The following ATXN2 variants were observed in gnomAD, a reference collection of about 807,000 sequenced individuals.
The protein encoded by ATXN2 is ataxin 2.
ATXN2 carries 37 observed loss-of-function variants against 138.6 expected under a neutral mutation model. The observed-to-expected ratio is 0.27, with a 90% CI of 0.21 to 0.35. The LOEUF is 0.35. ATXN2 is among the 10% of genes least tolerant of loss of function. The pLI is 1.00. For missense variants in ATXN2, 1,216 were observed against 1,480.3 expected (o/e 0.82, Z 2.93); for synonymous variants, 549 against 543.7 (o/e 1.01, Z -0.13).
chr12:111,533,064 G>T (rs1470944711), intron 5 of ATXN2, among the ~76,000 whole-genome samples: 1 of 152,124 alleles, frequency 6.6e-6, no homozygotes, highest in Non-Finnish European at 1.5e-5. Context: ...TTATAGCTGT[G>T]GTCAGAGTAG....
chr12:111,499,442 G>A (rs1566026252), intron 14 of ATXN2, among the ~76,000 whole-genome samples: 1 of 152,146 alleles, frequency 6.6e-6, no homozygotes, highest in Non-Finnish European at 1.5e-5. Context: ...AGCAGCTCAC[G>A]CCTGTAATCC....
chr12:111,550,062 CAAAAA>C (rs11360314), intron 5 of ATXN2, among the ~76,000 whole-genome samples: 2 of 78,956 alleles, frequency 2.5e-5, no homozygotes, highest in Non-Finnish European at 6.4e-5. Flanking sequence ...ACTCCGTCTC[CAAAAA>C]AAAAAAAAAA....
At position 111,510,604 on chromosome 12, in the gene ATXN2, T is replaced by A. The variant is rs372052353; in HGVS notation, c.1559-22A>T. On this transcript the variant is annotated intron_variant, in intron 11 of 24. Coordinates refer to ENST00000673436, the MANE Select transcript of ATXN2 (RefSeq NM_001372574.1). ...GGAACTAGAAGAAAGGGAAAATGTA[T>A]TTATTACATTCTCAGTTCAAATGTT... 3 of 1,565,412 alleles carry A rather than the reference T, an allele frequency of 1.9e-6. No homozygotes were observed. In the African/African-American group the frequency reaches 4.1e-5, roughly 21 times the overall value.
intron 10 of ATXN2, among the ~76,000 whole-genome samples, chr12:111,513,969 T>C (rs555204764): frequency 1.4e-4 from 21 of 152,224 alleles, no homozygotes; most frequent in African/African-American, 5.1e-4. Flanking sequence ...CCGAATTTTC[T>C]ACATTACTTC....
intron 5 of ATXN2, among the ~76,000 whole-genome samples, chr12:111,526,912 T>C (rs1840476573): frequency 6.6e-6 from 1 of 152,192 alleles, no homozygotes; most frequent in Non-Finnish European, 1.5e-5. Flanking sequence ...ATATAACCAC[T>C]CTGCTACAAA....
In ATXN2 at chr12:111,454,019, C is replaced by T. The variant is rs1355379946; in HGVS notation, c.3271-174G>A. On this transcript the variant is annotated intron_variant, in intron 23 of 24. Coordinates refer to ENST00000673436, the MANE Select transcript of ATXN2 (RefSeq NM_001372574.1). The stretch of plus-strand genomic sequence containing the variant: ...TAGATTATCTATTGACCTGAAGACG[C>T]GCTTCACCTTTGGGCAGATCCTGCA... The T allele has an allele frequency of 9.4e-6, 6 of 641,690 alleles. No individual in the cohort carries two copies. In the East Asian group the frequency reaches 1.5e-4, roughly 16 times the overall value. 39.7% of individuals were successfully genotyped at this position (641,690 alleles called of 1,614,324 possible). A position where few individuals can be genotyped will look rare whatever the true frequency, so the allele number is the denominator to read the frequency against.
intron 1 of ATXN2, among the ~76,000 whole-genome samples, chr12:111,577,391 G>A (rs1011535802): frequency 2.0e-5 from 3 of 151,926 alleles, no homozygotes; most frequent in East Asian, 2.0e-4. Flanking sequence ...TCAGCCTCCC[G>A]AGTAGCTGGG....
chr12:111,483,608 C>G (rs1311913588), intron 18 of ATXN2, among the ~76,000 whole-genome samples: 1 of 151,916 alleles, frequency 6.6e-6, no homozygotes, highest in African/African-American at 2.4e-5. Flanking sequence ...CTGCCCACCT[C>G]GGCTTCCCAG....
At chr12:111,585,231 G>C (rs1029312791) in intron 1 of ATXN2, among the ~76,000 whole-genome samples, 5 of 152,158 alleles carry the variant, frequency 3.3e-5, no homozygotes, top group Admixed American at 3.3e-4. Context: ...AAAACTCCCA[G>C]GCCGGGAGTG....
intron 1 of ATXN2, among the ~76,000 whole-genome samples, chr12:111,583,139 C>A (rs981538956): frequency 1.3e-5 from 2 of 151,078 alleles, no homozygotes; most frequent in Non-Finnish European, 2.9e-5. Context: ...ACTACAGATG[C>A]GCACCACCAT....
intron 1 of ATXN2, among the ~76,000 whole-genome samples, chr12:111,572,237 C>T (rs1270953060): frequency 1.3e-5 from 2 of 151,918 alleles, no homozygotes; most frequent in African/African-American, 2.4e-5. Context: ...CCCATCTCTA[C>T]TAAATACAAA....
At chr12:111,575,491 T>G (rs1883588168) in intron 1 of ATXN2, among the ~76,000 whole-genome samples, 1 of 152,118 alleles carries the variant, frequency 6.6e-6, no homozygotes, top group Non-Finnish European at 1.5e-5. Flanking sequence ...CTGATTTTGT[T>G]TTCCTCTTCA....
chr12:111,507,494 G>A (rs1228929427), intron 14 of ATXN2, among the ~76,000 whole-genome samples: 2 of 151,698 alleles, frequency 1.3e-5, no homozygotes, highest in African/African-American at 4.8e-5. Flanking sequence ...GAGGGAGGTG[G>A]GGGTCAGCCC....
chr12:111,588,398 G>A (rs1884452708), intron 1 of ATXN2, among the ~76,000 whole-genome samples: 1 of 152,008 alleles, frequency 6.6e-6, no homozygotes, highest in African/African-American at 2.4e-5. Flanking sequence ...CAAGGCAGGT[G>A]GATCACTTGA....
chr12:111,479,666 G>A (rs1877078098), intron 18 of ATXN2, among the ~76,000 whole-genome samples: 1 of 152,102 alleles, frequency 6.6e-6, no homozygotes, highest in African/African-American at 2.4e-5. Context: ...GGCTTTGAAT[G>A]TGGCCCAACA....
chr12:111,518,439 AGATCCTCT>A lies in ATXN2; in HGVS notation c.987-20_987-13del, dbSNP rs1296730946. 2 of 1,586,790 alleles carry A rather than the reference AGATCCTCT, an allele frequency of 1.3e-6. No homozygotes were observed. Among genetic ancestry groups the A allele is most frequent in the Non-Finnish European group, 1.7e-6 (2 of 1,161,064 alleles). On this transcript the variant is annotated splice_polypyrimidine_tract_variant and intron_variant, in intron 8 of 24. Transcript: ENST00000673436. ...TATATTTATTTTCCCTGAAAATGAG[AGATCCTCT>A]AAATCATTTTATTCTAAAAGGTACC...
chr12:111,598,221 C>T lies in ATXN2; in HGVS notation c.251+563G>A, dbSNP rs1885037553. Reference sequence around the variant, plus strand: ...GATCTTTCCCAGGACTCGGAGGGGGCGGGGAGAGAGCCCCGACAGACCCTG... The same window carrying T: ...GATCTTTCCCAGGACTCGGAGGGGGTGGGGAGAGAGCCCCGACAGACCCTG... On this transcript the variant is annotated intron_variant, in intron 1 of 24. Transcript: ENST00000673436. The surrounding 1 kb of genome is among the most constrained non-coding windows in gnomAD (Gnocchi z 4.5). 9.5e-7 allele frequency: 1 copy of T among 1,047,256 alleles called. No individual in the cohort carries two copies. Among genetic ancestry groups the T allele is most frequent in the Non-Finnish European group, 1.2e-6 (1 of 865,406 alleles). The allele number at this position is 1,047,256 out of a possible 1,614,324, so 64.9% of individuals were successfully genotyped here. A position where few individuals can be genotyped will look rare whatever the true frequency, so the allele number is the denominator to read the frequency against.
At chr12:111,502,344 ATGCTATAT>A (rs1297286880) in intron 14 of ATXN2, among the ~76,000 whole-genome samples, 1 of 152,218 alleles carries the variant, frequency 6.6e-6, no homozygotes, top group African/African-American at 2.4e-5. Flanking sequence ...TATTGTTCTA[ATGCTATAT>A]TGCTATATAT....
chr12:111,509,426 C>T lies in ATXN2; in HGVS notation c.1935+123G>A, dbSNP rs1879371039. ...AGGCAAAGACCACTTTAAAAATGTT[C>T]TGCTTTCTACATATATGGTTTGATG... On this transcript the variant is annotated intron_variant, in intron 14 of 24. Coordinates refer to ENST00000673436, the MANE Select transcript of ATXN2 (RefSeq NM_001372574.1). 4 of 627,930 alleles carry T rather than the reference C, an allele frequency of 6.4e-6. No individual in the cohort carries two copies. The South Asian group carries it at 7.3e-5, about 11-fold the overall frequency. The allele number at this position is 627,930 out of a possible 1,614,324, so 38.9% of individuals were successfully genotyped here. A position where few individuals can be genotyped will look rare whatever the true frequency, so the allele number is the denominator to read the frequency against.
Sources: allele counts gnomAD v4.1 joint callset (sites outside exome capture counted in the v4.1 genomes callset), GRCh38; gene constraint gnomAD v4.1.1; non-coding constraint Gnocchi (gnomAD v3.1); transcripts MANE v1.5; gene names NCBI Gene and HGNC (gene_info 2026-07-23, HGNC 2026-07-21).